The following PLCB1 variants were observed in gnomAD, a reference collection of about 807,000 sequenced individuals.
PLCB1 encodes the protein phospholipase C beta 1, also known as 1-phosphatidylinositol 4,5-bisphosphate phosphodiesterase beta-1.
A neutral mutation model predicts 161.8 loss-of-function variants in PLCB1; 46 were observed. The ratio of observed to expected loss-of-function variants is 0.28; its 90% confidence interval spans 0.22 to 0.36. PLCB1 has a LOEUF of 0.36. Among genes scored for constraint, PLCB1 ranks in the 10% least tolerant of loss-of-function variants. The pLI, the probability that PLCB1 is intolerant of heterozygous loss-of-function variation, is 1.00. For missense variants in PLCB1, 1,016 were observed against 1,472.5 expected, an observed-to-expected ratio of 0.69 and a Z score of 5.07; for synonymous variants, 517 against 503.7, an observed-to-expected ratio of 1.03 and a Z score of -0.35.
intron 31 of PLCB1, among the ~76,000 whole-genome samples, chr20:8,806,995 G>A (rs1027886630): frequency 6.6e-6 from 1 of 152,190 alleles, no homozygotes. Flanking sequence ...TTTTCTGAAA[G>A]TAAAAATATC....
intron 2 of PLCB1, among the ~76,000 whole-genome samples, chr20:8,328,869 G>A (rs1455444547): frequency 6.6e-6 from 1 of 152,136 alleles, no homozygotes; most frequent in East Asian, 1.9e-4. Context: ...CAACTAATTA[G>A]ACATCTAGTC....
intron 9 of PLCB1, among the ~76,000 whole-genome samples, chr20:8,678,042 G>C (rs1990129422): frequency 6.6e-6 from 1 of 152,154 alleles, no homozygotes; most frequent in South Asian, 2.1e-4. Flanking sequence ...CTAACCAAGA[G>C]AACACTTGTT....
chr20:8,362,617 A>C (rs944728521), intron 2 of PLCB1, among the ~76,000 whole-genome samples: 1 of 152,110 alleles, frequency 6.6e-6, no homozygotes, highest in Admixed American at 6.6e-5. Flanking sequence ...TTGCTGAAGA[A>C]GGAAGTAAGA....
chr20:8,402,821 G>C (rs551563741), intron 3 of PLCB1, among the ~76,000 whole-genome samples: 9 of 151,814 alleles, frequency 5.9e-5, no homozygotes, highest in Non-Finnish European at 1.2e-4. Flanking sequence ...CTCCAGCCTG[G>C]GCAACAGAGC....
rs183604654 is a variant in PLCB1 at position 8,198,073 on chromosome 20, T to G, written c.177+47702T>G. On this transcript the variant is annotated intron_variant, in intron 2 of 31. Transcript: ENST00000338037. The stretch of plus-strand genomic sequence containing the variant: ...TTTTGGTTACTGTAGCCTTGTAGTA[T>G]AGTTTGAAGTCAGGTAGTGTGATGC... 5.5e-3 allele frequency among the ~76,000 whole-genome samples: 840 copies of G among 152,276 alleles called. 7 individuals carry two copies. Among genetic ancestry groups the G allele is most frequent in the African/African-American group, 0.019 (791 of 41,548 alleles).
chr20:8,876,836 T>C (rs538311035), intron 31 of PLCB1, among the ~76,000 whole-genome samples: 1 of 152,316 alleles, frequency 6.6e-6, no homozygotes, highest in Admixed American at 6.5e-5. Flanking sequence ...GTTCACATGA[T>C]GGCTGAGTAA....
At chr20:8,564,892 G>C (rs532852951) in intron 3 of PLCB1, among the ~76,000 whole-genome samples, 10 of 152,284 alleles carry the variant, frequency 6.6e-5, no homozygotes, top group African/African-American at 2.2e-4. Context: ...GTTGGTGGGA[G>C]TGTAAATTAG....
At chr20:8,379,716 T>C (rs577772001) in intron 3 of PLCB1, among the ~76,000 whole-genome samples, 2 of 152,378 alleles carry the variant, frequency 1.3e-5, no homozygotes, top group South Asian at 2.1e-4. Context: ...TGTTGAGCTT[T>C]TTTTCATATG....
chr20:8,813,429 T>A (rs1354714308), intron 31 of PLCB1, among the ~76,000 whole-genome samples: 1 of 152,220 alleles, frequency 6.6e-6, no homozygotes, highest in Admixed American at 6.5e-5. Context: ...CAGAATATCT[T>A]ACTGAGACCA....
chr20:8,523,478 CTCTCTCTCTCTCTCTCTCTATATATA>C (rs1486265261), intron 3 of PLCB1, among the ~76,000 whole-genome samples: 1 of 59,844 alleles, frequency 1.7e-5, no homozygotes, highest in Non-Finnish European at 3.2e-5. Flanking sequence ...CTCTCTCTCT[CTCTCTCTCTCTCTCTCTCTATATATA>C]TATATATATA....
intron 3 of PLCB1, among the ~76,000 whole-genome samples, chr20:8,439,535 C>T (rs967407711): frequency 4.6e-5 from 7 of 152,216 alleles, no homozygotes; most frequent in Admixed American, 3.3e-4. Flanking sequence ...TTACATGGCT[C>T]GTACTATTTA....
At chr20:8,186,470 A>C (rs1397791425) in intron 2 of PLCB1, among the ~76,000 whole-genome samples, 4 of 152,166 alleles carry the variant, frequency 2.6e-5, no homozygotes, top group Non-Finnish European at 5.9e-5. Flanking sequence ...AGGCTGTTTC[A>C]TGTCTTTATT....
At position 8,499,095 on chromosome 20, in the gene PLCB1, CAG is replaced by C. The variant is rs373316152; in HGVS notation, c.246+127648_246+127649del. Among the ~76,000 whole-genome samples the C allele has an allele frequency of 2.0e-4, 31 of 152,326 alleles. 1 individual carries two copies. The East Asian group carries it at 5.6e-3, about 27-fold the overall frequency. ...ACTGGAGTGATATTACTGAGCTTTTCAGAGTCTATTCTCATGCCAAGATGTAT... is the reference window on the plus strand; with the variant it reads ...ACTGGAGTGATATTACTGAGCTTTTCAGTCTATTCTCATGCCAAGATGTAT... On this transcript the variant is annotated intron_variant, in intron 3 of 31. Transcript: ENST00000338037.
intron 2 of PLCB1, among the ~76,000 whole-genome samples, chr20:8,312,267 T>C (rs6055731): frequency 0.052 from 7,947 of 152,124 alleles, 560 homozygotes; most frequent in African/African-American, 0.16. Flanking sequence ...CAAGCGCGCA[T>C]ACAATTCTTC....
In PLCB1 at chr20:8,740,270, C is replaced by T. The variant is rs959948267; in HGVS notation, c.2309-74C>T. 4 of 763,216 alleles carry T rather than the reference C, an allele frequency of 5.2e-6. No homozygotes were observed. The African/African-American group carries it at 5.5e-5, about 10-fold the overall frequency. 47.3% of individuals were successfully genotyped at this position (763,216 alleles called of 1,614,324 possible). On this transcript the variant is annotated intron_variant, in intron 21 of 31. Coordinates refer to ENST00000338037, the MANE Select transcript of PLCB1 (RefSeq NM_015192.4). ...AGTAACCTGAAATACATGCTTTCAT[C>T]ACATAGATGCGCATAATTATAACTA...
rs148719067 is a variant in PLCB1, at chr20:8,726,073, C to T, written c.1679-1236C>T. Among the ~76,000 whole-genome samples, 119 of 152,018 alleles carry T rather than the reference C, an allele frequency of 7.8e-4. 1 individual carries two copies. The highest frequency in any genetic ancestry group is 1.7e-3 in the African/African-American group (72 of 41,470). ...TTGGAGAAGGTGAGAAGATGGATGACGAAGCCTGGAAATCATTAAGAAGAA... is the reference window on the plus strand; with the variant it reads ...TTGGAGAAGGTGAGAAGATGGATGATGAAGCCTGGAAATCATTAAGAAGAA... On this transcript the variant is annotated intron_variant, in intron 16 of 31. Coordinates refer to ENST00000338037, the MANE Select transcript of PLCB1 (RefSeq NM_015192.4).
chr20:8,743,609 T>C (rs1980997058), intron 23 of PLCB1, among the ~76,000 whole-genome samples: 1 of 152,156 alleles, frequency 6.6e-6, no homozygotes, highest in African/African-American at 2.4e-5. Flanking sequence ...CAGTTACTCA[T>C]GTGCTCAACA....
intron 3 of PLCB1, among the ~76,000 whole-genome samples, chr20:8,384,644 C>G (rs1263492187): frequency 1.3e-5 from 2 of 152,036 alleles, no homozygotes; most frequent in Admixed American, 1.3e-4. Flanking sequence ...TTGATTCTTT[C>G]TCGTCTTTAT....
intron 3 of PLCB1, among the ~76,000 whole-genome samples, chr20:8,455,330 A>C (rs991952310): frequency 1.4e-4 from 20 of 143,540 alleles, no homozygotes; most frequent in African/African-American, 5.0e-4. Context: ...CTCCATCACA[A>C]AAAAAAAAAA....
Sources: allele counts gnomAD v4.1 joint callset (sites outside exome capture counted in the v4.1 genomes callset), GRCh38; gene constraint gnomAD v4.1.1; transcripts MANE v1.5; gene names NCBI Gene and HGNC (gene_info 2026-07-23, HGNC 2026-07-21).